Variants in LRRTM4 observed in about 807,000 individuals in gnomAD.
LRRTM4 encodes leucine-rich repeat transmembrane neuronal protein 4.
Under a neutral mutation model 47.6 loss-of-function variants are expected in LRRTM4, and 25 were observed. The ratio of observed to expected loss-of-function variants is 0.53; its 90% CI spans 0.38 to 0.73. The LOEUF is 0.73. LRRTM4 is among the 30% of genes least tolerant of loss of function. The pLI is 0.00. For synonymous variants in LRRTM4, 311 were observed against 269.5 expected (o/e 1.15, Z -1.51); for missense variants, 638 against 713.4 (o/e 0.89, Z 1.20).
At chr2:77,349,252 C>A (rs1239820516) in intron 3 of LRRTM4, among the ~76,000 whole-genome samples, 1 of 151,834 alleles carries the variant, frequency 6.6e-6, no homozygotes, top group Non-Finnish European at 1.5e-5. Flanking sequence ...AAATAAAACT[C>A]TAGCTCATCT....
chr2:77,514,265 TTCCTTAGAG>T (rs1217371323), intron 3 of LRRTM4, among the ~76,000 whole-genome samples: 5 of 152,152 alleles, frequency 3.3e-5, no homozygotes, highest in Admixed American at 2.6e-4. Context: ...TGGGTCTGCT[TTCCTTAGAG>T]TCCTCTTTAT....
Position 77,315,403 on chromosome 2 carries a change from A to G in LRRTM4, c.1551+202915T>C, listed in dbSNP as rs185321393. On this transcript the variant is annotated intron_variant, in intron 3 of 3. Coordinates refer to ENST00000409884, the MANE Select transcript of LRRTM4 (RefSeq NM_001134745.3). Reference sequence around the variant, plus strand: ...TTTATATATAACTCATATAACATACATAACTAGTATAGATAGTTTTTGTCA... The same window carrying G: ...TTTATATATAACTCATATAACATACGTAACTAGTATAGATAGTTTTTGTCA... Among the ~76,000 whole-genome samples the G allele has an allele frequency of 6.2e-3, 937 of 152,316 alleles. 10 individuals carry two copies. Among genetic ancestry groups the G allele is most frequent in the African/African-American group, 0.021 (858 of 41,568 alleles).
intron 3 of LRRTM4, among the ~76,000 whole-genome samples, chr2:77,341,212 A>G (rs1047970766): frequency 2.0e-5 from 3 of 151,940 alleles, no homozygotes; most frequent in Non-Finnish European, 4.4e-5. Context: ...TAGGAAAAAT[A>G]TATCCTCATT....
At chr2:76,992,089 T>G (rs1677028129) in intron 3 of LRRTM4, among the ~76,000 whole-genome samples, 1 of 151,836 alleles carries the variant, frequency 6.6e-6, no homozygotes, top group African/African-American at 2.4e-5. Flanking sequence ...TTAACATCCC[T>G]GCACGATAAA....
At chr2:76,911,399 CAG>C (rs1166552299) in intron 3 of LRRTM4, among the ~76,000 whole-genome samples, 1 of 152,200 alleles carries the variant, frequency 6.6e-6, no homozygotes, top group African/African-American at 2.4e-5. Flanking sequence ...GTTACTGTGA[CAG>C]AACCTAATGC....
chr2:76,812,196 G>T (rs544720874), intron 3 of LRRTM4, among the ~76,000 whole-genome samples: 1 of 152,238 alleles, frequency 6.6e-6, no homozygotes, highest in African/African-American at 2.4e-5. Flanking sequence ...AACAATGCAT[G>T]CTTCCTCCTA....
At chr2:76,756,876 A>G (rs1037812980) in intron 3 of LRRTM4, among the ~76,000 whole-genome samples, 3 of 152,190 alleles carry the variant, frequency 2.0e-5, no homozygotes, top group African/African-American at 7.2e-5. Context: ...ATGTATTCTC[A>G]TTGAACTCCC....
intron 3 of LRRTM4, among the ~76,000 whole-genome samples, chr2:76,903,578 C>A (rs979083109): frequency 2.0e-5 from 3 of 151,974 alleles, no homozygotes; most frequent in Non-Finnish European, 4.4e-5. Flanking sequence ...AAAACAACAA[C>A]AACAAAACTA....
chr2:77,285,340 T>TTATATATTTA (rs1553422163), intron 3 of LRRTM4, among the ~76,000 whole-genome samples: 6 of 82,590 alleles, frequency 7.3e-5, no homozygotes, highest in Non-Finnish European at 1.4e-4. Context: ...AGCATTAAAT[T>TTATATATTTA]TATATATATA....
At chr2:77,057,490 T>C (rs1679648554) in intron 3 of LRRTM4, among the ~76,000 whole-genome samples, 2 of 152,182 alleles carry the variant, frequency 1.3e-5, no homozygotes, top group South Asian at 4.1e-4. Flanking sequence ...TAACATGCAA[T>C]TTAGTTGCTA....
chr2:77,392,929 C>T (rs1194532467), intron 3 of LRRTM4, among the ~76,000 whole-genome samples: 1 of 151,930 alleles, frequency 6.6e-6, no homozygotes, highest in African/African-American at 2.4e-5. Flanking sequence ...AAATAGTTAG[C>T]TTTAGCCATT....
chr2:77,071,176 G>A (rs535545867), intron 3 of LRRTM4, among the ~76,000 whole-genome samples: 11 of 152,092 alleles, frequency 7.2e-5, no homozygotes, highest in South Asian at 4.2e-4. Context: ...CAAAATCTTC[G>A]CAAAGGACGT....
intron 3 of LRRTM4, among the ~76,000 whole-genome samples, chr2:76,765,578 C>G (rs1319589964): frequency 6.6e-6 from 1 of 152,114 alleles, no homozygotes; most frequent in Non-Finnish European, 1.5e-5. Context: ...CTAGAGAGTT[C>G]TTTTTCTCCC....
At chr2:76,797,329 G>C (rs911685502) in intron 3 of LRRTM4, among the ~76,000 whole-genome samples, 3 of 152,028 alleles carry the variant, frequency 2.0e-5, no homozygotes, top group Non-Finnish European at 1.5e-5. Context: ...TTAAAGAAAA[G>C]AATTTTCAAC....
intron 3 of LRRTM4, among the ~76,000 whole-genome samples, chr2:77,088,869 C>T (rs1277802265): frequency 6.6e-6 from 1 of 152,074 alleles, no homozygotes; most frequent in African/African-American, 2.4e-5. Flanking sequence ...CTCACTATCC[C>T]TCAATCTCTT....
intron 3 of LRRTM4, among the ~76,000 whole-genome samples, chr2:77,475,174 A>G (rs767383843): frequency 6.6e-6 from 1 of 152,068 alleles, no homozygotes; most frequent in Admixed American, 6.6e-5. Flanking sequence ...CTAATATACC[A>G]AGTGTGTTTT....
chr2:77,223,653 G>A (rs898217751), intron 3 of LRRTM4, among the ~76,000 whole-genome samples: 1 of 152,012 alleles, frequency 6.6e-6, no homozygotes, highest in African/African-American at 2.4e-5. Context: ...AACTTACAAG[G>A]GATGTGAAGA....
At chr2:77,112,599 AT>A (rs11389099) in intron 3 of LRRTM4, among the ~76,000 whole-genome samples, 155 of 146,746 alleles carry the variant, frequency 1.1e-3, no homozygotes, top group East Asian at 2.0e-3. Context: ...GCAAGGAGGG[AT>A]TTTTTTTTTT....
chr2:77,248,561 G>A (rs780683212), intron 3 of LRRTM4, among the ~76,000 whole-genome samples: 1 of 151,906 alleles, frequency 6.6e-6, no homozygotes, highest in Non-Finnish European at 1.5e-5. Context: ...AGTTTATACA[G>A]ACAGATAAAA....
Sources: allele counts gnomAD v4.1 joint callset (sites outside exome capture counted in the v4.1 genomes callset), GRCh38; gene constraint gnomAD v4.1.1; transcripts MANE v1.5; gene names NCBI Gene and HGNC (gene_info 2026-07-23, HGNC 2026-07-21).